Variants in SLC35E4 observed in about 807,000 individuals in gnomAD.
SLC35E4 encodes the protein solute carrier family 35, member E4.
SLC35E4 carries 15 observed loss-of-function variants against 19.3 expected under a neutral mutation model. The observed-to-expected ratio is 0.78, with a 90% CI of 0.52 to 1.20. The LOEUF is 1.20. Ranked by LOEUF, SLC35E4 falls within the 50% of genes most tolerant of loss-of-function variation. The probability of loss-of-function intolerance (pLI) is 0.00; values close to 1 mark genes in which losing one functional copy is unlikely to be tolerated. For synonymous variants in SLC35E4, 219 were observed against 219.9 expected (o/e 1.00, Z 0.04); for missense variants, 406 against 472.3 (o/e 0.86, Z 1.30).
At chr22:30,662,133 G>A (rs917251872) in exon 3 of SLC35E4, 3 of 150,604 alleles carry the variant, frequency 2.0e-5, no homozygotes, top group Admixed American at 1.3e-4. Context: ...TTATGGGGAT[G>A]TGTGTGCCGA....
intron 2 of SLC35E4, among the ~76,000 whole-genome samples, chr22:30,653,221 G>A (rs992382758): frequency 7.9e-5 from 12 of 152,152 alleles, no homozygotes; most frequent in Admixed American, 2.0e-4. Context: ...AGCCCTGGAT[G>A]TTCTGACGTT....
At chr22:30,650,510 AAT>A (rs2088192519), downstream of SLC35E4, among the ~76,000 whole-genome samples, 1 of 152,074 alleles carries the variant, frequency 6.6e-6, no homozygotes, top group African/African-American at 2.4e-5. Flanking sequence ...AATAAACAAA[AAT>A]AAAAAAGAAC....
At chr22:30,637,538 G>A (rs1265051252) in intron 1 of SLC35E4, among the ~76,000 whole-genome samples, 2 of 152,152 alleles carry the variant, frequency 1.3e-5, no homozygotes, top group Middle Eastern at 3.4e-3. Flanking sequence ...TCAAGCGTGA[G>A]CCACCCCACC....
chr22:30,653,153 C>G (rs1475932214), intron 2 of SLC35E4, among the ~76,000 whole-genome samples: 1 of 152,156 alleles, frequency 6.6e-6, no homozygotes, highest in Non-Finnish European at 1.5e-5. Context: ...TGGTGGCTGC[C>G]TTCTGTGCTC....
At chr22:30,657,745 G>A (rs1243663493) in intron 2 of SLC35E4, among the ~76,000 whole-genome samples, 2 of 148,156 alleles carry the variant, frequency 1.3e-5, no homozygotes, top group East Asian at 4.1e-4. Context: ...TCTACTAAAA[G>A]TACAAAAAAT....
downstream of SLC35E4, chr22:30,664,067 G>A: frequency 6.8e-7 from 1 of 1,469,658 alleles, no homozygotes; most frequent in Non-Finnish European, 9.2e-7. Flanking sequence ...CTGCTAGGCT[G>A]TGTCCATGGA....
chr22:30,652,398 G>C (rs2088239020), downstream of SLC35E4: 1 of 152,236 alleles, frequency 6.6e-6, no homozygotes, highest in African/African-American at 2.4e-5. Flanking sequence ...TTCTAATCTT[G>C]TGGCTAATGT....
At chr22:30,649,080 T>A (rs2088174341), downstream of SLC35E4, 2 of 680,056 alleles carry the variant, frequency 2.9e-6, no homozygotes, top group Non-Finnish European at 5.5e-6. Flanking sequence ...CTGTTAAAGA[T>A]GATAAGGACC....
chr22:30,642,655 C>T (rs13058726), intron 1 of SLC35E4, among the ~76,000 whole-genome samples: 2 of 146,918 alleles, frequency 1.4e-5, no homozygotes, highest in African/African-American at 2.5e-5. Context: ...GTAGGAGAAT[C>T]TCTTGAACCA....
intron 2 of SLC35E4, among the ~76,000 whole-genome samples, chr22:30,658,330 G>A (rs556769726): frequency 6.6e-5 from 10 of 151,222 alleles, no homozygotes; most frequent in African/African-American, 2.4e-4. Context: ...CTTGAGGCCA[G>A]GAGTTTGAGA....
chr22:30,640,428 C>T (rs1285343742), intron 1 of SLC35E4, among the ~76,000 whole-genome samples: 1 of 151,550 alleles, frequency 6.6e-6, no homozygotes, highest in Admixed American at 6.6e-5. Flanking sequence ...ACAGAGGTCA[C>T]GGGGTCCCTA....
chr22:30,650,655 C>A (rs2088194478), downstream of SLC35E4, among the ~76,000 whole-genome samples: 1 of 152,140 alleles, frequency 6.6e-6, no homozygotes, highest in Non-Finnish European at 1.5e-5. Flanking sequence ...AATCCCCCAC[C>A]AGCTTCTGGA....
chr22:30,662,149 G>C (rs924189206), exon 3 of SLC35E4: 7 of 152,062 alleles, frequency 4.6e-5, no homozygotes, highest in Non-Finnish European at 1.0e-4. Flanking sequence ...GCCGACCTGG[G>C]ACCAGCAGGG....
downstream of SLC35E4, among the ~76,000 whole-genome samples, chr22:30,651,192 C>A (rs770648215): frequency 6.6e-6 from 1 of 150,954 alleles, no homozygotes; most frequent in Non-Finnish European, 1.5e-5. Flanking sequence ...GAGCCATGAT[C>A]TTTTATTTCT....
At chr22:30,667,852 C>G (rs1399545168), downstream of SLC35E4, 1 of 152,524 alleles carries the variant, frequency 6.6e-6, no homozygotes, top group Non-Finnish European at 1.5e-5. Flanking sequence ...ACAGTCTCAC[C>G]GCTTCCGTAG....
intron 1 of SLC35E4, among the ~76,000 whole-genome samples, chr22:30,642,899 G>A (rs952842692): frequency 1.3e-5 from 2 of 151,688 alleles, no homozygotes; most frequent in Admixed American, 6.6e-5. Flanking sequence ...GTGTGGTGGT[G>A]GGCACCTGTA....
At chr22:30,663,903 G>A (rs1484174331), downstream of SLC35E4, 2 of 1,614,206 alleles carry the variant, frequency 1.2e-6, no homozygotes, top group African/African-American at 2.7e-5. Flanking sequence ...GTTGTTGGCG[G>A]CCACACCATT....
At chr22:30,642,127 T>C (rs1192218301) in intron 1 of SLC35E4, among the ~76,000 whole-genome samples, 1 of 152,036 alleles carries the variant, frequency 6.6e-6, no homozygotes, top group Non-Finnish European at 1.5e-5. Flanking sequence ...TCCTCCCACC[T>C]CAGCCTCCCG....
At chr22:30,664,559 T>C (rs1245010310), downstream of SLC35E4, among the ~76,000 whole-genome samples, 1 of 152,232 alleles carries the variant, frequency 6.6e-6, no homozygotes, top group Non-Finnish European at 1.5e-5. Context: ...GTCTTCTGAC[T>C]TTATGCCCAA....
Sources: gnomAD v4.1 joint callset for allele counts (sites outside exome capture counted in the v4.1 genomes callset) on GRCh38, gnomAD v4.1.1 for gene constraint, MANE v1.5 for transcripts, NCBI Gene and HGNC (gene_info 2026-07-23, HGNC 2026-07-21) for gene names.